SSBP3: variants seen among roughly 807,000 people sequenced by gnomAD.
SSBP3 encodes single-stranded DNA-binding protein 3.
SSBP3 carries 5 observed loss-of-function variants against 69.6 expected under a neutral mutation model. The observed-to-expected ratio is 0.07, with a 90% CI of 0.04 to 0.15. SSBP3 has a LOEUF of 0.15. Among genes scored for constraint, SSBP3 ranks in the 10% least tolerant of loss-of-function variants. The probability of loss-of-function intolerance (pLI) is 1.00; values close to 1 mark genes in which losing one functional copy is unlikely to be tolerated. For missense variants in SSBP3, 312 were observed against 534.0 expected (o/e 0.58, Z 4.10); for synonymous variants, 196 against 193.4 (o/e 1.01, Z -0.11).
At chr1:54,232,125 A>G (rs1171514689) in intron 14 of SSBP3, among the ~76,000 whole-genome samples, 1 of 152,240 alleles carries the variant, frequency 6.6e-6, no homozygotes, top group African/African-American at 2.4e-5. Flanking sequence ...GATTAATGCT[A>G]TTATGTAAAC....
At chr1:54,245,857 A>G (rs1644725976) in intron 9 of SSBP3, among the ~76,000 whole-genome samples, 1 of 152,258 alleles carries the variant, frequency 6.6e-6, no homozygotes, top group African/African-American at 2.4e-5. Context: ...AAATTACCAA[A>G]TGACAATAGT....
chr1:54,408,253 T>C (rs1212667398), upstream of SSBP3, among the ~76,000 whole-genome samples: 1 of 152,026 alleles, frequency 6.6e-6, no homozygotes, highest in East Asian at 1.9e-4. Flanking sequence ...AGCATGGAGG[T>C]TGGGAGTTGG....
intron 5 of SSBP3, among the ~76,000 whole-genome samples, chr1:54,259,240 C>T (rs1644976024): frequency 6.6e-6 from 1 of 151,828 alleles, no homozygotes; most frequent in Non-Finnish European, 1.5e-5. Flanking sequence ...TAGAAACTCA[C>T]TCAGCAATTC....
At chr1:54,266,690 G>T (rs1645108185) in intron 5 of SSBP3, among the ~76,000 whole-genome samples, 1 of 152,074 alleles carries the variant, frequency 6.6e-6, no homozygotes, top group South Asian at 2.1e-4. Context: ...TTTTACAAAG[G>T]GGGAAAACTG....
At chr1:54,404,711 G>A (rs754818365) in intron 2 of SSBP3, 74 bp from the exon 3 acceptor site, 8 of 1,554,224 alleles carry the variant, frequency 5.1e-6, no homozygotes, top group African/African-American at 2.7e-5. Flanking sequence ...GAGCCAAAAG[G>A]CTAGGAAGAC....
At chr1:54,387,365 T>C (rs911022141) in intron 4 of SSBP3, among the ~76,000 whole-genome samples, 4 of 152,202 alleles carry the variant, frequency 2.6e-5, no homozygotes, top group African/African-American at 9.7e-5. Flanking sequence ...CCATGCCTCT[T>C]CAAGAAAGGA....
chr1:54,268,203 G>C (rs1348934277), intron 5 of SSBP3, among the ~76,000 whole-genome samples: 1 of 152,274 alleles, frequency 6.6e-6, no homozygotes, highest in Non-Finnish European at 1.5e-5. Context: ...AACATGGGGT[G>C]AACGTGGCCT....
chr1:54,392,102 C>T (rs573383882), intron 4 of SSBP3, among the ~76,000 whole-genome samples: 45 of 152,366 alleles, frequency 3.0e-4, no homozygotes, highest in Admixed American at 1.9e-3. Context: ...ACTCTGCCTT[C>T]AACAAGCATC....
intron 14 of SSBP3, chr1:54,236,493 T>G (rs1032135899): frequency 6.6e-6 from 1 of 152,212 alleles, no homozygotes; most frequent in African/African-American, 2.4e-5. Context: ...CAGGTTGGTC[T>G]TGAATTTGTG....
At chr1:54,369,846 G>A (rs552063040) in intron 4 of SSBP3, among the ~76,000 whole-genome samples, 6 of 149,792 alleles carry the variant, frequency 4.0e-5, no homozygotes, top group Non-Finnish European at 6.0e-5. Flanking sequence ...TAGTACCCTC[G>A]ACGGTATCCT....
At chr1:54,376,496 T>A (rs2100701994) in intron 4 of SSBP3, among the ~76,000 whole-genome samples, 1 of 152,248 alleles carries the variant, frequency 6.6e-6, no homozygotes, top group Non-Finnish European at 1.5e-5. Context: ...TTTTGCTAAT[T>A]CTCTCAATGA....
rs547969283 is a variant in SSBP3 at position 54,256,505 on chromosome 1, C to T, written c.507+622G>A. 3.3e-5 allele frequency among the ~76,000 whole-genome samples: 5 copies of T among 152,244 alleles called. No individual in the cohort carries two copies. In the East Asian group the frequency reaches 7.8e-4, roughly 24 times the overall value. On this transcript the variant is annotated intron_variant, in intron 7 of 17. Transcript: ENST00000610401. ...CCAACCCTAATGGGCCAGCGTAAGGCATATGACCCCAGGCAAAAATCCCTC... is the reference window on the plus strand; with the variant it reads ...CCAACCCTAATGGGCCAGCGTAAGGTATATGACCCCAGGCAAAAATCCCTC...
intron 4 of SSBP3, among the ~76,000 whole-genome samples, chr1:54,330,087 C>A (rs1646380927): frequency 6.6e-6 from 1 of 152,182 alleles, no homozygotes; most frequent in South Asian, 2.1e-4. Flanking sequence ...TACATACACA[C>A]AAGAGCCTTG....
intron 13 of SSBP3, among the ~76,000 whole-genome samples, chr1:54,240,047 G>GGTGTGTGTGTGTGTGTGT (rs71066910): frequency 1.8e-3 from 139 of 77,724 alleles, no homozygotes; most frequent in Non-Finnish European, 2.9e-3. Context: ...ATTGTGATGG[G>GGTGTGTGTGTGTGTGTGT]GTGTGTGTGT....
At chr1:54,240,089 C>CGCGCGCGCGTGTGCGT (rs1644592173) in intron 13 of SSBP3, among the ~76,000 whole-genome samples, 8 of 42,012 alleles carry the variant, frequency 1.9e-4, no homozygotes, top group Non-Finnish European at 2.5e-4. Context: ...TGTGTGTGTG[C>CGCGCGCGCGTGTGCGT]GCGCGCGCGC....
chr1:54,235,413 C>CTGGGACTA (rs1644471514), intron 14 of SSBP3, among the ~76,000 whole-genome samples: 1 of 146,624 alleles, frequency 6.8e-6, no homozygotes, highest in South Asian at 2.2e-4. Flanking sequence ...TCCTGAGTAG[C>CTGGGACTA]TGGGACTATA....
At chr1:54,339,833 G>C (rs1393600008) in intron 4 of SSBP3, among the ~76,000 whole-genome samples, 1 of 152,162 alleles carries the variant, frequency 6.6e-6, no homozygotes, top group Non-Finnish European at 1.5e-5. Context: ...AGAATTGCTT[G>C]AACCAAAGGG....
intron 4 of SSBP3, among the ~76,000 whole-genome samples, chr1:54,354,813 TGTTAAGACACG>T (rs1646837673): frequency 6.6e-6 from 1 of 152,192 alleles, no homozygotes; most frequent in African/African-American, 2.4e-5. Flanking sequence ...CACAACTCTG[TGTTAAGACACG>T]GTGCCTTAGG....
At chr1:54,264,592 A>C (rs1645069398) in intron 5 of SSBP3, among the ~76,000 whole-genome samples, 1 of 152,222 alleles carries the variant, frequency 6.6e-6, no homozygotes. Context: ...AAAAAGCACT[A>C]GGGCTGGAGT....
Sources: allele counts gnomAD v4.1 joint callset (sites outside exome capture counted in the v4.1 genomes callset), GRCh38; gene constraint gnomAD v4.1.1; transcripts MANE v1.5; gene names NCBI Gene and HGNC (gene_info 2026-07-23, HGNC 2026-07-21).